The following DPY30 variants were observed in gnomAD, a reference collection of about 807,000 sequenced individuals.
DPY30 encodes protein dpy-30 homolog.
A neutral mutation model predicts 16.2 loss-of-function variants in DPY30; 6 were observed. The observed-to-expected ratio is 0.37, with a 90% CI of 0.20 to 0.73. DPY30 has a LOEUF of 0.73. Ranked by LOEUF, DPY30 falls within the 30% of genes least tolerant of loss-of-function variation. The probability of loss-of-function intolerance (pLI) is 0.51; values close to 1 mark genes in which losing one functional copy is unlikely to be tolerated. For synonymous variants in DPY30, 39 were observed against 38.8 expected (o/e 1.00, Z -0.02); for missense variants, 73 against 113.1 (o/e 0.65, Z 1.61).
In DPY30 at chr2:32,037,306, A is replaced by T. The variant is rs544688811; in HGVS notation, c.84+1973T>A. 2.0e-5 allele frequency among the ~76,000 whole-genome samples: 3 copies of T among 152,082 alleles called. No individual in the cohort carries two copies. In the East Asian group the frequency reaches 5.8e-4, roughly 29 times the overall value. On this transcript the variant is annotated intron_variant, in intron 3 of 4. Coordinates refer to ENST00000342166, the MANE Select transcript of DPY30 (RefSeq NM_001321209.2). Reference sequence around the variant, plus strand: ...TATTGTTTACATATCTTTAAAGTACATATCTTTTTTGCTTTTGAGACAAGG... The same window carrying T: ...TATTGTTTACATATCTTTAAAGTACTTATCTTTTTTGCTTTTGAGACAAGG...
At position 32,029,539 on chromosome 2, in the gene DPY30, G is replaced by C. The variant is rs1290797323; in HGVS notation, c.227+55C>G. The C allele has an allele frequency of 1.9e-6, 3 of 1,592,714 alleles. No homozygotes were observed. The African/African-American group carries it at 4.0e-5, about 21-fold the overall frequency. On this transcript the variant is annotated intron_variant, in intron 4 of 4. Coordinates refer to ENST00000342166, the MANE Select transcript of DPY30 (RefSeq NM_001321209.2). Reference sequence around the variant, plus strand: ...ATACATAACTATGATATTTCAGATAGGGGAATCTATTTTGCTTTCTTTACT... The same window carrying C: ...ATACATAACTATGATATTTCAGATACGGGAATCTATTTTGCTTTCTTTACT...
chr2:32,012,415 T>C (rs1674963966), intron 5 of DPY30, among the ~76,000 whole-genome samples: 1 of 146,640 alleles, frequency 6.8e-6, no homozygotes, highest in African/African-American at 2.5e-5. Flanking sequence ...CCTCTCTCTT[T>C]TTTCTTTTTT....
upstream of DPY30, chr2:32,039,823 C>G (rs1675898881): frequency 3.1e-6 from 1 of 323,450 alleles, no homozygotes; most frequent in Non-Finnish European, 5.8e-6. Context: ...GGCTGTCGCA[C>G]GACTGCCGCG....
At chr2:32,014,750 T>C (rs1409938679) in intron 5 of DPY30, among the ~76,000 whole-genome samples, 1 of 151,560 alleles carries the variant, frequency 6.6e-6, no homozygotes, top group Non-Finnish European at 1.5e-5. Flanking sequence ...CCCAAAATGC[T>C]GAGATTACAG....
intron 4 of DPY30, among the ~76,000 whole-genome samples, chr2:32,029,129 G>A (rs1043013533): frequency 2.6e-5 from 4 of 151,986 alleles, no homozygotes; most frequent in Middle Eastern, 3.4e-3. Context: ...AAAATTAGCC[G>A]GGCGTAGTGG....
downstream of DPY30, among the ~76,000 whole-genome samples, chr2:32,021,537 G>A (rs144051932): frequency 4.2e-3 from 639 of 151,848 alleles, 4 homozygotes; most frequent in African/African-American, 0.014. Flanking sequence ...AATTAGCCAG[G>A]TATGGTGGCA....
At chr2:32,014,020 G>C (rs115265721) in intron 5 of DPY30, among the ~76,000 whole-genome samples, 116 of 147,350 alleles carry the variant, frequency 7.9e-4, no homozygotes, top group African/African-American at 2.7e-3. Context: ...GAAAGAAAGA[G>C]AGAAAGAGAG....
chr2:32,034,126 A>G (rs1675649884), intron 3 of DPY30, among the ~76,000 whole-genome samples: 3 of 152,234 alleles, frequency 2.0e-5, no homozygotes, highest in African/African-American at 4.8e-5. Context: ...ACTGCACAGA[A>G]AGAGACTAAA....
At chr2:32,017,280 C>T (rs1425547474) in intron 5 of DPY30, among the ~76,000 whole-genome samples, 1 of 152,138 alleles carries the variant, frequency 6.6e-6, no homozygotes, top group East Asian at 1.9e-4. Flanking sequence ...TGAATAATGC[C>T]CATGAATAAA....
At chr2:32,027,290 C>A (rs1359253417) in intron 4 of DPY30, among the ~76,000 whole-genome samples, 22 of 133,576 alleles carry the variant, frequency 1.6e-4, no homozygotes, top group Non-Finnish European at 2.1e-4. Flanking sequence ...AAAAAAAAAA[C>A]CAGCTGGGCA....
intron 5 of DPY30, among the ~76,000 whole-genome samples, chr2:32,017,528 A>C (rs562836136): frequency 1.3e-5 from 2 of 151,878 alleles, no homozygotes; most frequent in South Asian, 2.1e-4. Flanking sequence ...GAGGCAGAAG[A>C]AGCTTCTACC....
intron 3 of DPY30, among the ~76,000 whole-genome samples, chr2:32,030,125 G>T (rs1212194925): frequency 6.7e-6 from 1 of 149,770 alleles, no homozygotes; most frequent in African/African-American, 2.5e-5. Flanking sequence ...TAGTAAGAAA[G>T]CTGGTCACAT....
chr2:32,027,062 G>T (rs1675359639), intron 4 of DPY30, among the ~76,000 whole-genome samples: 1 of 151,572 alleles, frequency 6.6e-6, no homozygotes, highest in African/African-American at 2.4e-5. Context: ...GACCACCTGA[G>T]GTCAGGAGTT....
At chr2:32,039,054 G>A (rs577394512) in intron 3 of DPY30, among the ~76,000 whole-genome samples, 1 of 152,198 alleles carries the variant, frequency 6.6e-6, no homozygotes, top group East Asian at 1.9e-4. Flanking sequence ...AAGAATATGT[G>A]TTTCGCAATA....
Position 32,039,716 on chromosome 2 carries a change from GAAAGGGAGCT to G in DPY30, c.-37+7_-37+16del. On this transcript the variant is annotated splice_region_variant and intron_variant, in intron 1 of 4. Transcript: ENST00000342166. ...ACCTAGAATAAGTGAGAAAGTGGGG[GAAAGGGAGCT>G]GATTACCCGCGCCCAAGCCGTTCGT... 1.7e-6 allele frequency: 1 copy of G among 576,400 alleles called. No individual in the cohort carries two copies. The highest frequency in any genetic ancestry group is 3.1e-6 in the Non-Finnish European group (1 of 323,468). 35.7% of individuals were successfully genotyped at this position (576,400 alleles called of 1,614,324 possible). A position where few individuals can be genotyped will look rare whatever the true frequency, so the allele number is the denominator to read the frequency against.
chr2:32,016,335 G>A (rs1406296311), intron 5 of DPY30, among the ~76,000 whole-genome samples: 2 of 152,092 alleles, frequency 1.3e-5, no homozygotes, highest in Non-Finnish European at 2.9e-5. Flanking sequence ...TTTAATAAGT[G>A]GATTTTCTGT....
chr2:32,018,247 A>G (rs1368925723), intron 5 of DPY30, among the ~76,000 whole-genome samples: 1 of 152,216 alleles, frequency 6.6e-6, no homozygotes, highest in East Asian at 1.9e-4. Context: ...GCATTCTACA[A>G]ATTAATTCTT....
At chr2:32,016,989 T>G (rs1164317992) in intron 5 of DPY30, among the ~76,000 whole-genome samples, 1 of 152,050 alleles carries the variant, frequency 6.6e-6, no homozygotes, top group Non-Finnish European at 1.5e-5. Context: ...TTCAAGCGAT[T>G]CTCCTGCCTC....
chr2:32,039,696 G>A (rs1317837772), intron 1 of DPY30, 37 bp downstream of exon 1: 1 of 590,384 alleles, frequency 1.7e-6, no homozygotes, highest in East Asian at 2.8e-5. Flanking sequence ...CAAGTACCTA[G>A]AATAAGTGAG....
Sources: allele counts gnomAD v4.1 joint callset (sites outside exome capture counted in the v4.1 genomes callset), GRCh38; gene constraint gnomAD v4.1.1; transcripts MANE v1.5; gene names NCBI Gene and HGNC (gene_info 2026-07-23, HGNC 2026-07-21).